Variants in CCSER1 observed in about 807,000 individuals in gnomAD.
CCSER1 encodes serine-rich coiled-coil domain-containing protein 1.
Under a neutral mutation model 82.0 loss-of-function variants are expected in CCSER1, and 41 were observed. That is an observed-to-expected ratio of 0.50 (90% confidence interval 0.39 to 0.65). CCSER1 has a LOEUF of 0.65. Among genes scored for constraint, CCSER1 ranks in the 30% least tolerant of loss-of-function variants. The pLI is 0.00. For missense variants in CCSER1, 1,119 were observed against 1,064.2 expected (o/e 1.05, Z -0.72); for synonymous variants, 414 against 383.9 (o/e 1.08, Z -0.92).
chr4:91,433,076 C>G lies in CCSER1; in HGVS notation c.2218-165496C>G, dbSNP rs183340600. Among the ~76,000 whole-genome samples, 17 of 152,056 alleles carry G rather than the reference C, an allele frequency of 1.1e-4. No homozygotes were observed. In the South Asian group the frequency reaches 1.5e-3, roughly 13 times the overall value. The stretch of plus-strand genomic sequence containing the variant: ...ATAAGTGATATAATAATATATAAGC[C>G]ACATTAATTTACTCTTTATTATATT... On this transcript the variant is annotated intron_variant, in intron 10 of 10. Coordinates refer to ENST00000509176, the MANE Select transcript of CCSER1 (RefSeq NM_001145065.2).
chr4:91,462,537 G>A (rs577985802), intron 10 of CCSER1, among the ~76,000 whole-genome samples: 2 of 152,120 alleles, frequency 1.3e-5, no homozygotes, highest in Non-Finnish European at 2.9e-5. Flanking sequence ...AGCCCACCGA[G>A]TGTGAGCCAA....
At chr4:91,419,969 A>T (rs1753600489) in intron 10 of CCSER1, among the ~76,000 whole-genome samples, 1 of 152,098 alleles carries the variant, frequency 6.6e-6, no homozygotes, top group Non-Finnish European at 1.5e-5. Flanking sequence ...TTCTTCAATA[A>T]CTAATCTTGG....
At chr4:90,240,204 A>G (rs1175682183) in intron 1 of CCSER1, among the ~76,000 whole-genome samples, 2 of 152,162 alleles carry the variant, frequency 1.3e-5, no homozygotes, top group Non-Finnish European at 2.9e-5. Context: ...GCTATGTTTC[A>G]GAGGACATGA....
chr4:90,336,521 G>A (rs551687932), intron 3 of CCSER1, among the ~76,000 whole-genome samples: 1 of 152,270 alleles, frequency 6.6e-6, no homozygotes, highest in Non-Finnish European at 1.5e-5. Flanking sequence ...CTGGGTTTAA[G>A]TAAGAATGGT....
At chr4:90,492,069 T>C (rs1768118666) in intron 5 of CCSER1, among the ~76,000 whole-genome samples, 1 of 152,180 alleles carries the variant, frequency 6.6e-6, no homozygotes, top group African/African-American at 2.4e-5. Context: ...TTTCTAGTGA[T>C]TGGAATAGTT....
chr4:90,845,807 GA>G (rs34846300), intron 8 of CCSER1, among the ~76,000 whole-genome samples: 138 of 141,500 alleles, frequency 9.8e-4, no homozygotes, highest in East Asian at 8.4e-3. Context: ...TTTCAACTGT[GA>G]AAAAAAAAAA....
At chr4:90,383,742 CTT>C (rs1474446629) in intron 3 of CCSER1, among the ~76,000 whole-genome samples, 2 of 132,292 alleles carry the variant, frequency 1.5e-5, no homozygotes, top group African/African-American at 2.9e-5. Context: ...TTTTTTTTTT[CTT>C]TTTTAAATAC....
intron 7 of CCSER1, chr4:90,781,541 TG>T (rs1241269421): frequency 1.0e-6 from 1 of 981,032 alleles, no homozygotes; most frequent in East Asian, 1.1e-4. Flanking sequence ...CACTTTTTTT[TG>T]ATAAAATATG....
chr4:91,041,885 G>A (rs368828994), intron 9 of CCSER1, among the ~76,000 whole-genome samples: 49 of 152,208 alleles, frequency 3.2e-4, no homozygotes, highest in African/African-American at 1.2e-3. Context: ...CTGAGGATGC[G>A]CAGACATTGT....
At chr4:90,755,300 T>C (rs1749327325) in intron 7 of CCSER1, among the ~76,000 whole-genome samples, 1 of 152,228 alleles carries the variant, frequency 6.6e-6, no homozygotes. Context: ...GAACTTATTC[T>C]ACTGTTGCTA....
chr4:91,349,561 A>C lies in CCSER1; in HGVS notation c.2218-249011A>C, dbSNP rs571010534. 4.6e-5 allele frequency among the ~76,000 whole-genome samples: 7 copies of C among 152,258 alleles called. 1 individual carries two copies. Among genetic ancestry groups the C allele is most frequent in the Admixed American group, 4.6e-4 (7 of 15,294 alleles). ...TCTGTTTTGAAGTCTGGAGGGGGTTAACGTTGTATATTTCTCATTTCCCAG... is the reference window on the plus strand; with the variant it reads ...TCTGTTTTGAAGTCTGGAGGGGGTTCACGTTGTATATTTCTCATTTCCCAG... On this transcript the variant is annotated intron_variant, in intron 10 of 10. Transcript: ENST00000509176.
At chr4:91,026,890 C>T (rs890800041) in intron 9 of CCSER1, among the ~76,000 whole-genome samples, 10 of 152,078 alleles carry the variant, frequency 6.6e-5, no homozygotes, top group Admixed American at 2.6e-4. Context: ...GATGCATTTA[C>T]GTAAATGGGA....
chr4:90,881,309 C>T (rs1721274631), intron 8 of CCSER1, among the ~76,000 whole-genome samples: 1 of 151,776 alleles, frequency 6.6e-6, no homozygotes, highest in Admixed American at 6.6e-5. Flanking sequence ...CTGAGACAGA[C>T]AGACAGACAG....
chr4:90,689,372 T>A (rs528570424), intron 6 of CCSER1, among the ~76,000 whole-genome samples: 11 of 152,222 alleles, frequency 7.2e-5, no homozygotes, highest in South Asian at 4.1e-4. Context: ...TCCATGTGTG[T>A]AAAAAACAAT....
chr4:91,280,249 G>A (rs1742813744), intron 10 of CCSER1, among the ~76,000 whole-genome samples: 1 of 152,146 alleles, frequency 6.6e-6, no homozygotes, highest in Non-Finnish European at 1.5e-5. Context: ...TTGAGTGCTG[G>A]TAGTGACAAC....
intron 10 of CCSER1, among the ~76,000 whole-genome samples, chr4:91,235,692 TA>T (rs1738946478): frequency 6.6e-6 from 1 of 152,118 alleles, no homozygotes; most frequent in African/African-American, 2.4e-5. Flanking sequence ...AGGAGCTACG[TA>T]AGGTCAATTA....
At chr4:90,653,965 C>T (rs566850796) in intron 6 of CCSER1, among the ~76,000 whole-genome samples, 1 of 152,170 alleles carries the variant, frequency 6.6e-6, no homozygotes, top group Admixed American at 6.5e-5. Context: ...AAGCAAGAAC[C>T]TTCTTTACAT....
At chr4:90,731,689 G>C (rs918310236) in intron 7 of CCSER1, among the ~76,000 whole-genome samples, 1 of 152,004 alleles carries the variant, frequency 6.6e-6, no homozygotes, top group Non-Finnish European at 1.5e-5. Context: ...TCTCTAATGG[G>C]AATAAATTTT....
intron 2 of CCSER1, 86 bp from the exon 3 acceptor site, chr4:90,312,777 G>A: frequency 9.7e-7 from 1 of 1,026,778 alleles, no homozygotes; most frequent in East Asian, 2.6e-5. Flanking sequence ...ATAACACTAA[G>A]AGTTTTTCAT....
Sources: allele counts gnomAD v4.1 joint callset (sites outside exome capture counted in the v4.1 genomes callset), GRCh38; gene constraint gnomAD v4.1.1; transcripts MANE v1.5; gene names NCBI Gene and HGNC (gene_info 2026-07-23, HGNC 2026-07-21).